The following EDARADD variants were observed in gnomAD, a reference collection of about 807,000 sequenced individuals.
EDARADD encodes EDAR associated via death domain.
In EDARADD, 20 loss-of-function variants were observed where a neutral mutation model predicts 25.6. The observed-to-expected ratio is 0.78, with a 90% CI of 0.55 to 1.14. The LOEUF (loss-of-function observed/expected upper bound fraction) is 1.14, where lower values mean the gene tolerates loss of function less well. Among genes scored for constraint, EDARADD ranks in the 50% most tolerant of loss-of-function variants. EDARADD has a pLI of 0.00. For missense variants in EDARADD, 225 were observed against 270.1 expected (o/e 0.83, Z 1.17); for synonymous variants, 86 against 94.4 (o/e 0.91, Z 0.52).
At chr1:236,375,940 T>G (rs948859980) in intron 3 of EDARADD, among the ~76,000 whole-genome samples, 14 of 148,862 alleles carry the variant, frequency 9.4e-5, no homozygotes, top group Non-Finnish European at 7.5e-5. Flanking sequence ...TGCACCTTTT[T>G]TTTTTTTTTT....
intron 4 of EDARADD, among the ~76,000 whole-genome samples, chr1:236,445,373 A>G (rs528457956): frequency 3.3e-5 from 5 of 152,072 alleles, no homozygotes; most frequent in Admixed American, 6.6e-5. Context: ...GATTACAGGC[A>G]TGTGCCACCA....
At chr1:236,367,412 T>C (rs1667124100) in intron 3 of EDARADD, among the ~76,000 whole-genome samples, 2 of 151,946 alleles carry the variant, frequency 1.3e-5, no homozygotes, top group Admixed American at 6.6e-5. Context: ...CTGTTTTTAC[T>C]AGAGACGGGT....
In EDARADD at chr1:236,484,827, TGTCATCTCCGG is replaced by T. The variant is rs1659787974; in HGVS notation, c.*2180_*2190del. ...TCACCGGAGCCACGTGACCCTCCAG[TGTCATCTCCGG>T]GGTGGCCACAGGCAAGATCCCCAGT... On this transcript the variant is annotated 3_prime_UTR_variant, in exon 6 of 6. Coordinates refer to ENST00000334232, the MANE Select transcript of EDARADD (RefSeq NM_145861.4). This position sits in a 1 kb window ranked among gnomAD's most constrained non-coding sequence, Gnocchi z 4.1. 1 of 177,338 alleles carries T rather than the reference TGTCATCTCCGG, an allele frequency of 5.6e-6. No individual in the cohort carries two copies. The highest frequency in any genetic ancestry group is 2.4e-5 in the African/African-American group (1 of 41,846). 11.0% of individuals were successfully genotyped at this position (177,338 alleles called of 1,614,324 possible).
intron 3 of EDARADD, among the ~76,000 whole-genome samples, chr1:236,372,630 G>A (rs1474386690): frequency 2.0e-5 from 3 of 152,136 alleles, no homozygotes; most frequent in Admixed American, 2.0e-4. Flanking sequence ...GAGAGAATTG[G>A]TATAATTTTC....
intron 3 of EDARADD, among the ~76,000 whole-genome samples, chr1:236,366,753 T>A (rs906182438): frequency 3.4e-4 from 51 of 151,920 alleles, no homozygotes; most frequent in African/African-American, 1.2e-3. Flanking sequence ...TTTTTTTGTC[T>A]CTCAGGGATC....
At chr1:236,391,769 C>T (rs1667428840), upstream of EDARADD, among the ~76,000 whole-genome samples, 1 of 152,112 alleles carries the variant, frequency 6.6e-6, no homozygotes, top group Admixed American at 6.5e-5. Flanking sequence ...GTTGTTGTTT[C>T]CCCCATTTAA....
At chr1:236,415,869 A>C (rs185971636) in intron 3 of EDARADD, among the ~76,000 whole-genome samples, 1 of 152,102 alleles carries the variant, frequency 6.6e-6, no homozygotes, top group African/African-American at 2.4e-5. Context: ...ATCAGATCTG[A>C]CTAGTTTCAG....
chr1:236,353,561 C>T lies in EDARADD; in HGVS notation c.-6+2722C>T, dbSNP rs191455760. Among the ~76,000 whole-genome samples, 945 of 151,796 alleles carry T rather than the reference C, an allele frequency of 6.2e-3. 11 individuals are homozygous for T. Among genetic ancestry groups the T allele is most frequent in the African/African-American group, 0.021 (887 of 41,356 alleles). ...GGGCGTGGTGGTGGGCACCTGTAAT[C>T]CCAGCTACTCAGGAGGCTGAGGCAG... On this transcript the variant is annotated intron_variant, in intron 3 of 7. Coordinates refer to the EDARADD transcript ENST00000439430.
intron 4 of EDARADD, among the ~76,000 whole-genome samples, chr1:236,442,877 C>T (rs988647728): frequency 2.6e-5 from 4 of 152,204 alleles, no homozygotes; most frequent in African/African-American, 9.7e-5. Flanking sequence ...AATGTTTGTC[C>T]TCCCCAAAAC....
At chr1:236,428,887 G>A (rs1306511733) in intron 4 of EDARADD, among the ~76,000 whole-genome samples, 9 of 151,998 alleles carry the variant, frequency 5.9e-5, no homozygotes, top group African/African-American at 1.2e-4. Flanking sequence ...CAATCCCGGC[G>A]CCTCGGGAGG....
chr1:236,389,162 G>C (rs547197666), intron 3 of EDARADD, among the ~76,000 whole-genome samples: 5 of 152,160 alleles, frequency 3.3e-5, no homozygotes, highest in African/African-American at 1.2e-4. Context: ...AATGGTGCTG[G>C]GTGTGGGAGC....
intron 4 of EDARADD, among the ~76,000 whole-genome samples, chr1:236,438,937 A>G (rs1432005017): frequency 6.6e-6 from 1 of 152,192 alleles, no homozygotes; most frequent in East Asian, 1.9e-4. Context: ...GATGACATGT[A>G]TCCACCATTC....
chr1:236,349,957 C>T (rs1666896212), intron 2 of EDARADD, among the ~76,000 whole-genome samples: 1 of 152,118 alleles, frequency 6.6e-6, no homozygotes, highest in Non-Finnish European at 1.5e-5. Flanking sequence ...ACTAAAAATA[C>T]AAAAACTAGC....
At chr1:236,468,637 A>T (rs1055238500) in intron 5 of EDARADD, among the ~76,000 whole-genome samples, 12 of 152,218 alleles carry the variant, frequency 7.9e-5, no homozygotes, top group African/African-American at 2.2e-4. Context: ...TAAATTAAAT[A>T]AAATAAATAA....
At chr1:236,406,058 G>C (rs761889940) in intron 1 of EDARADD, among the ~76,000 whole-genome samples, 26 of 150,840 alleles carry the variant, frequency 1.7e-4, no homozygotes, top group Non-Finnish European at 2.9e-4. Context: ...CCCCACCCCT[G>C]GCTCCACACT....
At chr1:236,418,089 G>A (rs1183139314) in intron 3 of EDARADD, among the ~76,000 whole-genome samples, 1 of 151,792 alleles carries the variant, frequency 6.6e-6, no homozygotes, top group African/African-American at 2.4e-5. Flanking sequence ...GAATAGCTGG[G>A]ACTATAGGCG....
intron 3 of EDARADD, among the ~76,000 whole-genome samples, chr1:236,383,649 A>G (rs1434901219): frequency 6.6e-6 from 1 of 152,226 alleles, no homozygotes; most frequent in African/African-American, 2.4e-5. Context: ...TAGTTATAGA[A>G]AATATACAGA....
chr1:236,440,027 T>G (rs1243974662), intron 4 of EDARADD, among the ~76,000 whole-genome samples: 1 of 152,170 alleles, frequency 6.6e-6, no homozygotes, highest in East Asian at 1.9e-4. Flanking sequence ...TTTGTGAGAG[T>G]TTAAAGAGTT....
At chr1:236,481,146 T>C (rs1363024823) in intron 5 of EDARADD, among the ~76,000 whole-genome samples, 3 of 152,344 alleles carry the variant, frequency 2.0e-5, no homozygotes, top group East Asian at 3.9e-4. Context: ...CCAGTTTTCA[T>C]GTCTGTGTTG....
Sources: allele counts gnomAD v4.1 joint callset (sites outside exome capture counted in the v4.1 genomes callset), GRCh38; gene constraint gnomAD v4.1.1; non-coding constraint Gnocchi (gnomAD v3.1); transcripts MANE v1.5; gene names NCBI Gene and HGNC (gene_info 2026-07-23, HGNC 2026-07-21).